The following ASB3 variants were observed in gnomAD, a reference collection of about 807,000 sequenced individuals.
The protein encoded by ASB3 is ankyrin repeat and SOCS box containing 3.
A neutral mutation model predicts 54.5 loss-of-function variants in ASB3; 41 were observed. The ratio of observed to expected loss-of-function variants is 0.75; its 90% CI spans 0.59 to 0.98. ASB3 has a LOEUF of 0.98. Among genes scored for constraint, ASB3 ranks in the 50% least tolerant of loss-of-function variants. The pLI, the probability that ASB3 is intolerant of heterozygous loss-of-function variation, is 0.00. For missense variants in ASB3, 733 were observed against 620.0 expected, an observed-to-expected ratio of 1.18 and a Z score of -1.94; for synonymous variants, 266 against 221.2, an observed-to-expected ratio of 1.20 and a Z score of -1.80.
At chr2:53,751,113 C>T (rs977149021) in intron 2 of ASB3, among the ~76,000 whole-genome samples, 172 bp from the exon 3 acceptor site, 1 of 152,068 alleles carries the variant, frequency 6.6e-6, no homozygotes, top group Non-Finnish European at 1.5e-5. Context: ...TACAGAGATC[C>T]CACTGTGAAC....
intron 2 of ASB3, among the ~76,000 whole-genome samples, chr2:53,761,211 C>T (rs569912447): frequency 6.6e-6 from 1 of 152,252 alleles, no homozygotes; most frequent in South Asian, 2.1e-4. Context: ...CAGCTCACAC[C>T]TGACCAATCA....
chr2:53,714,496 C>G lies in ASB3; in HGVS notation c.868G>C (p.Gly290Arg). The stretch of plus-strand genomic sequence containing the variant: ...ATTTCTAGGCAATCTTCATGTCCCC[C>G]AAACACTGCTGAGTAAACAGGGCTT... ...KVSPVYSAVF[G>R]GHEDCLEILL... The change falls in exon 7 of 10, where the codon GGG becomes CGG. Residue 290 changes from glycine to arginine, a missense_variant. Coordinates refer to ENST00000263634, the MANE Select transcript of ASB3 (RefSeq NM_016115.5). 1 of 1,614,230 alleles carries G rather than the reference C, an allele frequency of 6.2e-7. No homozygotes were observed.
At chr2:53,678,328 G>A (rs758838875) in intron 9 of ASB3, among the ~76,000 whole-genome samples, 21 of 152,010 alleles carry the variant, frequency 1.4e-4, no homozygotes, top group Non-Finnish European at 1.9e-4. Context: ...CCTTCAACCC[G>A]GTAACCCAGG....
At chr2:53,780,917 G>A (rs1481260783) in intron 1 of ASB3, among the ~76,000 whole-genome samples, 1 of 152,188 alleles carries the variant, frequency 6.6e-6, no homozygotes, top group Non-Finnish European at 1.5e-5. Flanking sequence ...TAACACTTAT[G>A]TAGCACTAAC....
rs1670274485 is a variant in ASB3, at chr2:53,714,400, T to C, written c.964A>G (p.Met322Val). 1.2e-6 allele frequency: 2 copies of C among 1,614,186 alleles called. No homozygotes were observed. Among genetic ancestry groups the C allele is most frequent in the Non-Finnish European group, 1.7e-6 (2 of 1,180,020 alleles). Residue 322 changes from methionine (M) to valine (V), a missense_variant, in exon 7 of 10, where the codon ATG (methionine) becomes GTG (valine). By Grantham distance (21) the Met-to-Val change is conservative. Transcript: ENST00000263634. ...TATACATACTCCTTTTGGAAAGCCATGCACACAGGAGAACTGAATCCAAAA... is the reference window on the plus strand; with the variant it reads ...TATACATACTCCTTTTGGAAAGCCACGCACACAGGAGAACTGAATCCAAAA... ...LVFGFSSPVC[M>V]AFQKDCEFFG...
At chr2:53,767,907 G>A (rs1573001604) in intron 1 of ASB3, 1 of 1,612,966 alleles carries the variant, frequency 6.2e-7, no homozygotes, top group Non-Finnish European at 8.5e-7. Context: ...TTGGTTACGG[G>A]TCCCTGATCT....
intron 2 of ASB3, among the ~76,000 whole-genome samples, chr2:53,761,543 G>A (rs113869358): frequency 6.6e-6 from 1 of 152,126 alleles, no homozygotes; most frequent in African/African-American, 2.4e-5. Context: ...ACTCATACCA[G>A]TGGCCTCCCA....
chr2:53,725,651 AATAC>A (rs1358766943), intron 5 of ASB3, among the ~76,000 whole-genome samples: 2 of 152,204 alleles, frequency 1.3e-5, no homozygotes, highest in Non-Finnish European at 2.9e-5. Flanking sequence ...AAATTTCTAG[AATAC>A]ATTTCGGTGG....
intron 9 of ASB3, among the ~76,000 whole-genome samples, chr2:53,679,902 C>A (rs1206485960): frequency 2.0e-5 from 3 of 152,120 alleles, no homozygotes; most frequent in African/African-American, 7.2e-5. Flanking sequence ...TTCCTTCCAC[C>A]CACAACATAG....
intron 2 of ASB3, among the ~76,000 whole-genome samples, chr2:53,759,414 C>G (rs1673015701): frequency 6.6e-6 from 1 of 152,172 alleles, no homozygotes; most frequent in Non-Finnish European, 1.5e-5. Flanking sequence ...TGAGGGCCAA[C>G]TAATCTTAAA....
intron 9 of ASB3, among the ~76,000 whole-genome samples, chr2:53,692,637 T>C (rs758309262): frequency 6.6e-6 from 1 of 152,174 alleles, no homozygotes; most frequent in Non-Finnish European, 1.5e-5. Context: ...AAACTTGCCA[T>C]ATGTTAAGGT....
chr2:53,671,411 G>A (rs1046858095), intron 9 of ASB3, among the ~76,000 whole-genome samples: 3 of 150,516 alleles, frequency 2.0e-5, no homozygotes, highest in East Asian at 1.9e-4. Context: ...TGGCAAGGCA[G>A]TGCAGCCAAA....
intron 2 of ASB3, among the ~76,000 whole-genome samples, chr2:53,759,071 C>T (rs1572982235): frequency 6.6e-6 from 1 of 152,278 alleles, no homozygotes; most frequent in Middle Eastern, 3.4e-3. Context: ...AGAGAAGTGC[C>T]ACCATAACTG....
chr2:53,783,142 A>C (rs1239042233), intron 1 of ASB3, among the ~76,000 whole-genome samples: 1 of 152,148 alleles, frequency 6.6e-6, no homozygotes, highest in Non-Finnish European at 1.5e-5. Flanking sequence ...GACCTGAAAG[A>C]AGCAGAGCTA....
chr2:53,733,640 C>G (rs994031564), intron 3 of ASB3, among the ~76,000 whole-genome samples: 1 of 152,122 alleles, frequency 6.6e-6, no homozygotes, highest in Non-Finnish European at 1.5e-5. Context: ...CAGGGTTTCT[C>G]CATTTTGGCC....
intron 2 of ASB3, among the ~76,000 whole-genome samples, chr2:53,756,242 AACG>A (rs1483028795): frequency 6.6e-6 from 1 of 152,190 alleles, no homozygotes; most frequent in African/African-American, 2.4e-5. Context: ...CTGCCTGTCT[AACG>A]ACATCATTCT....
chr2:53,750,937 T>C lies in ASB3; in HGVS notation c.201A>G (p.Ser67=), dbSNP rs759692761. ...TCTTCATCTTAATGTAGTTTTCAGA[T>C]GAATCTGTGGAAGAATCAAAGCCCA... ...ECLQMLINAD[S]SENYIKMKTF... Residue 67 remains serine (S), a synonymous_variant, in exon 3 of 10, where the codon TCA becomes TCG. Coordinates refer to ENST00000263634, the MANE Select transcript of ASB3 (RefSeq NM_016115.5). 5.2e-6 allele frequency: 8 copies of C among 1,549,866 alleles called. No homozygotes were observed. The highest frequency in any genetic ancestry group is 6.1e-6 in the Non-Finnish European group (7 of 1,149,920).
At chr2:53,753,200 A>G (rs370185491) in intron 2 of ASB3, among the ~76,000 whole-genome samples, 12 of 152,240 alleles carry the variant, frequency 7.9e-5, no homozygotes, top group South Asian at 2.1e-4. Flanking sequence ...TTGATAAATG[A>G]TGCTATGACT....
intron 5 of ASB3, among the ~76,000 whole-genome samples, chr2:53,728,076 C>T (rs577722136): frequency 5.3e-5 from 8 of 152,130 alleles, no homozygotes; most frequent in Middle Eastern, 3.4e-3. Context: ...CTGTGATTCA[C>T]GCTTCATCAA....
Sources: gnomAD v4.1 joint callset for allele counts (sites outside exome capture counted in the v4.1 genomes callset) on GRCh38, gnomAD v4.1.1 for gene constraint, MANE v1.5 for transcripts, NCBI Gene and HGNC (gene_info 2026-07-23, HGNC 2026-07-21) for gene names.